The following MTX2 variants were observed in gnomAD, a reference collection of about 807,000 sequenced individuals.
MTX2 encodes metaxin-2.
MTX2 carries 35 observed loss-of-function variants against 42.3 expected under a neutral mutation model. The observed-to-expected ratio is 0.83, with a 90% CI of 0.63 to 1.10. MTX2 has a LOEUF of 1.10. MTX2 is among the 50% of genes least tolerant of loss of function. The probability of loss-of-function intolerance (pLI) is 0.00; values close to 1 mark genes in which losing one functional copy is unlikely to be tolerated. For missense variants in MTX2, 307 were observed against 304.1 expected, an observed-to-expected ratio of 1.01 and a Z score of -0.07; for synonymous variants, 119 against 100.9, an observed-to-expected ratio of 1.18 and a Z score of -1.08.
At chr2:176,270,951 A>C (rs539275007) in intron 1 of MTX2, among the ~76,000 whole-genome samples, 2 of 152,108 alleles carry the variant, frequency 1.3e-5, no homozygotes, top group African/African-American at 4.8e-5. Context: ...TAGATCAGCG[A>C]TTTAATTTAG....
At chr2:176,314,665 C>G (rs1684395205) in intron 3 of MTX2, among the ~76,000 whole-genome samples, 1 of 151,894 alleles carries the variant, frequency 6.6e-6, no homozygotes, top group Non-Finnish European at 1.5e-5. Context: ...ATTATAAGAC[C>G]TGCTTGTTTA....
At chr2:176,284,337 T>C (rs1213892226) in intron 1 of MTX2, among the ~76,000 whole-genome samples, 1 of 152,200 alleles carries the variant, frequency 6.6e-6, no homozygotes, top group African/African-American at 2.4e-5. Flanking sequence ...TGGAAAGTTT[T>C]AAATTTGACT....
chr2:176,269,919 C>T (rs761601760), intron 1 of MTX2, among the ~76,000 whole-genome samples: 4 of 152,062 alleles, frequency 2.6e-5, no homozygotes, highest in Admixed American at 6.5e-5. Context: ...GTCCCACCTC[C>T]CCATTCAGTT....
At chr2:176,311,380 T>G (rs6433582) in intron 3 of MTX2, among the ~76,000 whole-genome samples, 43,379 of 152,116 alleles carry the variant, frequency 0.29, 6,795 homozygotes, top group African/African-American at 0.41. Flanking sequence ...TGAAGAGGCA[T>G]TGTGTCTGTT....
chr2:176,334,082 A>G (rs1256903753), intron 9 of MTX2, among the ~76,000 whole-genome samples: 1 of 151,686 alleles, frequency 6.6e-6, no homozygotes, highest in Non-Finnish European at 1.5e-5. Context: ...GTAAAATCAG[A>G]TCAGTTTTTA....
chr2:176,325,713 G>T (rs1684691621), intron 4 of MTX2, among the ~76,000 whole-genome samples: 1 of 151,726 alleles, frequency 6.6e-6, no homozygotes, highest in African/African-American at 2.4e-5. Context: ...TAGTTACAAA[G>T]ATTTTATCCC....
intron 9 of MTX2, among the ~76,000 whole-genome samples, chr2:176,333,642 TCATGC>T (rs1371242254): frequency 6.6e-6 from 1 of 151,708 alleles, no homozygotes; most frequent in Non-Finnish European, 1.5e-5. Context: ...ATATATACAG[TCATGC>T]CCTGTATGGC....
intron 1 of MTX2, among the ~76,000 whole-genome samples, chr2:176,292,057 G>T: frequency 6.6e-6 from 1 of 152,186 alleles, no homozygotes; most frequent in East Asian, 1.9e-4. Context: ...TACTTTTGAT[G>T]TGGTGAGAAT....
intron 1 of MTX2, among the ~76,000 whole-genome samples, chr2:176,296,657 C>G (rs1006117321): frequency 2.0e-5 from 3 of 151,920 alleles, no homozygotes; most frequent in African/African-American, 7.3e-5. Flanking sequence ...AACAATAAAC[C>G]AAACATGCTT....
intron 3 of MTX2, among the ~76,000 whole-genome samples, chr2:176,318,614 T>G (rs1035794989): frequency 6.6e-6 from 1 of 152,212 alleles, no homozygotes; most frequent in African/African-American, 2.4e-5. Context: ...ATTGGAAATA[T>G]AGTATTTAAT....
chr2:176,328,392 T>C lies in MTX2; in HGVS notation c.378+7T>C. On this transcript the variant is annotated splice_region_variant and intron_variant, in intron 6 of 9. Coordinates refer to ENST00000249442, the MANE Select transcript of MTX2 (RefSeq NM_006554.5). ...TATGCTGTTGACTGCAGAGGTAAAA[T>C]ACTAGATGATACGGCTTGAAAATAA... 1 of 1,477,360 alleles carries C rather than the reference T, an allele frequency of 6.8e-7. No individual in the cohort carries two copies. 91.5% of individuals were successfully genotyped at this position (1,477,360 alleles called of 1,614,324 possible).
intron 3 of MTX2, 134 bp downstream of exon 3, chr2:176,298,029 T>G (rs1355240052): frequency 1.7e-5 from 8 of 480,782 alleles, no homozygotes; most frequent in East Asian, 3.5e-5. Context: ...GATTTACCAT[T>G]ATCTATATAA....
chr2:176,289,576 A>T (rs1018266010), intron 1 of MTX2, among the ~76,000 whole-genome samples: 1 of 152,078 alleles, frequency 6.6e-6, no homozygotes, highest in African/African-American at 2.4e-5. Flanking sequence ...TCTGCAGTAT[A>T]GGGATATATT....
intron 3 of MTX2, among the ~76,000 whole-genome samples, chr2:176,322,832 T>C (rs1386479587): frequency 6.6e-6 from 1 of 151,972 alleles, no homozygotes; most frequent in Non-Finnish European, 1.5e-5. Context: ...TTTAAATTGC[T>C]TATAACATTT....
chr2:176,332,095 T>G (rs1245295010), intron 9 of MTX2, among the ~76,000 whole-genome samples: 1 of 151,260 alleles, frequency 6.6e-6, no homozygotes, highest in Non-Finnish European at 1.5e-5. Flanking sequence ...ACCAAAGCCT[T>G]GCTTTTGAGG....
intron 1 of MTX2, among the ~76,000 whole-genome samples, chr2:176,277,560 A>G (rs570517301): frequency 6.6e-6 from 1 of 151,986 alleles, no homozygotes; most frequent in African/African-American, 2.4e-5. Flanking sequence ...GTGCCACCAC[A>G]CCTGGCTAAT....
chr2:176,274,423 T>A lies in MTX2; in HGVS notation c.40+4754T>A, dbSNP rs534569438. On this transcript the variant is annotated intron_variant, in intron 1 of 9. Coordinates refer to ENST00000249442, the MANE Select transcript of MTX2 (RefSeq NM_006554.5). ...TCATCATTTTAAAATGGTTATGTAG[T>A]ATTTCATTGTAATGAAGAAGCCAAA... Among the ~76,000 whole-genome samples, 4 of 152,344 alleles carry A rather than the reference T, an allele frequency of 2.6e-5. No individual in the cohort carries two copies. In the East Asian group the frequency reaches 7.7e-4, roughly 29 times the overall value.
Position 176,337,860 on chromosome 2 carries a change from T to G in MTX2, c.*196T>G. The G allele has an allele frequency of 4.9e-6, 2 of 407,208 alleles. No homozygotes were observed. Among genetic ancestry groups the G allele is most frequent in the Non-Finnish European group, 8.3e-6 (2 of 241,018 alleles). The allele number at this position is 407,208 out of a possible 1,614,324, so 25.2% of individuals were successfully genotyped here. ...TAATTCTGAATTATTTAATCTGATATGTTGTATTCTGTATCTTGAAATTTT... is the reference window on the plus strand; with the variant it reads ...TAATTCTGAATTATTTAATCTGATAGGTTGTATTCTGTATCTTGAAATTTT... On this transcript the variant is annotated 3_prime_UTR_variant, in exon 10 of 10. Transcript: ENST00000249442.
intron 7 of MTX2, 143 bp from the exon 8 acceptor site, chr2:176,329,158 T>G (rs976400320): frequency 1.8e-5 from 19 of 1,069,734 alleles, no homozygotes; most frequent in Non-Finnish European, 2.2e-5. Context: ...AAAATTTTAA[T>G]TTTTTAGATT....
Sources: allele counts gnomAD v4.1 joint callset (sites outside exome capture counted in the v4.1 genomes callset), GRCh38; gene constraint gnomAD v4.1.1; transcripts MANE v1.5; gene names NCBI Gene and HGNC (gene_info 2026-07-23, HGNC 2026-07-21).